The following RAB34 variants were observed in gnomAD, a reference collection of about 807,000 sequenced individuals.
RAB34 encodes the protein ras-related protein Rab-34.
RAB34 carries 33 observed loss-of-function variants against 39.0 expected under a neutral mutation model. That is an observed-to-expected ratio of 0.85 (90% confidence interval 0.64 to 1.13). The LOEUF (loss-of-function observed/expected upper bound fraction) is 1.13. Ranked by LOEUF, RAB34 falls within the 50% of genes most tolerant of loss-of-function variation. The pLI is 0.00. For missense variants in RAB34, 289 were observed against 326.1 expected (o/e 0.89, Z 0.88); for synonymous variants, 135 against 125.1 (o/e 1.08, Z -0.53).
Position 28,714,463 on chromosome 17 carries a change from G to T in RAB34, c.*180C>A. 1 of 1,388,384 alleles carries T rather than the reference G, an allele frequency of 7.2e-7. No individual in the cohort carries two copies. Among genetic ancestry groups the T allele is most frequent in the Non-Finnish European group, 1.0e-6 (1 of 984,952 alleles). 86.0% of individuals were successfully genotyped at this position (1,388,384 alleles called of 1,614,324 possible). On this transcript the variant is annotated 3_prime_UTR_variant, in exon 10 of 10. Transcript: ENST00000395245. ...GGGGGCATCCAGTCTTTGGCACGGTGCCTGGGGGCAGGAAGTGACTAGCAT... is the reference window on the plus strand; with the variant it reads ...GGGGGCATCCAGTCTTTGGCACGGTTCCTGGGGGCAGGAAGTGACTAGCAT...
Position 28,717,736 on chromosome 17 carries a change from G to A in RAB34, c.-470C>T. 7.5e-7 allele frequency: 1 copy of A among 1,325,042 alleles called. No individual in the cohort carries two copies. Among genetic ancestry groups the A allele is most frequent in the Non-Finnish European group, 9.6e-7 (1 of 1,042,820 alleles). 82.1% of individuals were successfully genotyped at this position (1,325,042 alleles called of 1,614,324 possible). On this transcript the variant is annotated 5_prime_UTR_variant, in exon 1 of 10. Coordinates refer to ENST00000395245, the MANE Select transcript of RAB34 (RefSeq NM_031934.6). ...CAGAGCGGCCCGGGGGCGCGGAGCG[G>A]CCCCGCCACACGGGGTCAGTGTGGG...
At position 28,714,617 on chromosome 17, in the gene RAB34, C is replaced by A. The variant is rs1453498910; in HGVS notation, c.*26G>T. On this transcript the variant is annotated 3_prime_UTR_variant, in exon 10 of 10. Transcript: ENST00000395245. ...GGTGGCACAGTGCCCTAGGGCTGGG[C>A]AGTCTCTGAACAGTCTCCTCAGCCC... 6.2e-7 allele frequency: 1 copy of A among 1,614,056 alleles called. No individual in the cohort carries two copies. The highest frequency in any genetic ancestry group is 1.1e-5 in the South Asian group (1 of 91,086).
upstream of RAB34, chr17:28,718,370 C>T (rs982927692): frequency 4.5e-5 from 42 of 936,688 alleles, no homozygotes; most frequent in African/African-American, 7.4e-4. Flanking sequence ...AGGTGCCCAC[C>T]GAGGAGAGAG....
rs1256103396 is a variant in RAB34, at chr17:28,714,785, G to A, written c.712+8C>T. Reference sequence around the variant, plus strand: ...CCCTCTGCCACCCTCAACCAGGCAAGCACTCACGGACAACATCCCCAATGC... The same window carrying A: ...CCCTCTGCCACCCTCAACCAGGCAAACACTCACGGACAACATCCCCAATGC... On this transcript the variant is annotated splice_region_variant and intron_variant, in intron 9 of 9. Transcript: ENST00000395245. 2 of 1,613,912 alleles carry A rather than the reference G, an allele frequency of 1.2e-6. No homozygotes were observed. Among genetic ancestry groups the A allele is most frequent in the Middle Eastern group, 1.6e-4 (1 of 6,084 alleles).
chr17:28,716,365 G>A, intron 2 of RAB34: 1 of 387,300 alleles, frequency 2.6e-6, no homozygotes, highest in Non-Finnish European at 4.7e-6. Flanking sequence ...ATATTTTACT[G>A]GGTCGTTGTG....
At chr17:28,718,305 C>T (rs769637514), upstream of RAB34, 11 of 1,514,156 alleles carry the variant, frequency 7.3e-6, no homozygotes, top group African/African-American at 8.6e-5. Context: ...CCTGGGAGGT[C>T]GGGGGTGAGG....
In RAB34 at chr17:28,714,859, T is replaced by A; in HGVS notation, c.646A>T (p.Thr216Ser). 1 of 1,614,054 alleles carries A rather than the reference T, an allele frequency of 6.2e-7. No individual in the cohort carries two copies. Among genetic ancestry groups the A allele is most frequent in the African/African-American group, 1.3e-5 (1 of 75,028 alleles). ...TCAGCCAGCACATTGGCCTCAAAGG[T>A]CAGTGCTGCCACACGGAAGAAGAAT... is the stretch of plus-strand genomic sequence containing the variant. ...REFFFRVAAL[T>S]FEANVLAELE... The change falls in exon 9 of 10, where the codon ACC (threonine) becomes TCC (serine). Residue 216 changes from threonine (T) to serine (S), a missense_variant. Transcript: ENST00000395245.
At chr17:28,716,551 A>C in intron 2 of RAB34, 1 of 263,774 alleles carries the variant, frequency 3.8e-6, no homozygotes. Context: ...TGTTATCAGT[A>C]TTACCTTTAA....
chr17:28,717,674 C>G lies in RAB34; in HGVS notation c.-408G>C. ...TACAATAACCCGGGGCCGCGGAGAC[C>G]CGACGTCATCTCGGGGCTGAGGCTG... On this transcript the variant is annotated 5_prime_UTR_variant, in exon 1 of 10. Transcript: ENST00000395245. The G allele has an allele frequency of 7.3e-7, 1 of 1,363,890 alleles. No individual in the cohort carries two copies. The highest frequency in any genetic ancestry group is 9.4e-7 in the Non-Finnish European group (1 of 1,063,834). 84.5% of individuals were successfully genotyped at this position (1,363,890 alleles called of 1,614,324 possible).
In RAB34 at chr17:28,717,308, G is replaced by A; in HGVS notation, c.-42C>T. 6.4e-7 allele frequency: 1 copy of A among 1,558,408 alleles called. No individual in the cohort carries two copies. Among genetic ancestry groups the A allele is most frequent in the South Asian group, 1.2e-5 (1 of 85,970 alleles). ...CAGGGCGCCCTGAGAAGGCGCCGAGGCCGGATCCGCGTCAGCGACCCGGGC... is the reference window on the plus strand; with the variant it reads ...CAGGGCGCCCTGAGAAGGCGCCGAGACCGGATCCGCGTCAGCGACCCGGGC... On this transcript the variant is annotated 5_prime_UTR_variant, in exon 1 of 10. Transcript: ENST00000395245.
upstream of RAB34, chr17:28,718,083 C>T: frequency 1.3e-6 from 2 of 1,583,618 alleles, no homozygotes; most frequent in Non-Finnish European, 1.7e-6. Context: ...CTCTCCCCTG[C>T]ACCTCTATAC....
intron 6 of RAB34, 36 bp downstream of exon 6, chr17:28,715,420 C>G (rs765974600): frequency 5.0e-6 from 8 of 1,612,392 alleles, no homozygotes; most frequent in Non-Finnish European, 6.8e-6. Flanking sequence ...CCTCTCTTCC[C>G]GGAGCCTCCC....
rs765796000 is a variant in RAB34 at position 28,717,332 on chromosome 17, G to C, written c.-66C>G. 1 of 1,541,622 alleles carries C rather than the reference G, an allele frequency of 6.5e-7. No homozygotes were observed. The highest frequency in any genetic ancestry group is 8.7e-7 in the Non-Finnish European group (1 of 1,147,944). On this transcript the variant is annotated 5_prime_UTR_variant, in exon 1 of 10. Transcript: ENST00000395245. ...GGCCGGATCCGCGTCAGCGACCCGG[G>C]CGCGTGGAGACCCGACGATCACCCG...
chr17:28,714,507 G>C lies in RAB34; in HGVS notation c.*136C>G. 1.9e-6 allele frequency: 3 copies of C among 1,592,316 alleles called. No individual in the cohort carries two copies. In the Admixed American group the frequency reaches 5.0e-5, roughly 27 times the overall value. ...CTAGCATGATCCCAGCTACCCCTCT[G>C]TGGGAATACTGCCACCAAGAGGCAG... On this transcript the variant is annotated 3_prime_UTR_variant, in exon 10 of 10. Coordinates refer to ENST00000395245, the MANE Select transcript of RAB34 (RefSeq NM_031934.6).
rs2033675000 is a variant in RAB34, at chr17:28,717,334, G to A, written c.-68C>T. The A allele has an allele frequency of 2.6e-6, 4 of 1,540,752 alleles. No individual in the cohort carries two copies. Among genetic ancestry groups the A allele is most frequent in the Non-Finnish European group, 2.6e-6 (3 of 1,147,664 alleles). On this transcript the variant is annotated 5_prime_UTR_variant, in exon 1 of 10. Transcript: ENST00000395245. ...CCGGATCCGCGTCAGCGACCCGGGC[G>A]CGTGGAGACCCGACGATCACCCGCG...
Position 28,714,383 on chromosome 17 carries a change from C to A in RAB34, c.*260G>T, listed in dbSNP as rs1341530046. On this transcript the variant is annotated 3_prime_UTR_variant, in exon 10 of 10. Transcript: ENST00000395245. ...GGGCCCAGCAGGCTGAGCAAAAGAACAGAGACACTCTCCCTCACTACCACT... is the reference window on the plus strand; with the variant it reads ...GGGCCCAGCAGGCTGAGCAAAAGAAAAGAGACACTCTCCCTCACTACCACT... The A allele has an allele frequency of 6.3e-6, 4 of 632,366 alleles. No homozygotes were observed. Among genetic ancestry groups the A allele is most frequent in the South Asian group, 3.8e-5 (2 of 52,968 alleles). The allele number at this position is 632,366 out of a possible 1,614,324, so 39.2% of individuals were successfully genotyped here.
chr17:28,714,460 G>C lies in RAB34; in HGVS notation c.*183C>G. Reference sequence around the variant, plus strand: ...GTAGGGGGCATCCAGTCTTTGGCACGGTGCCTGGGGGCAGGAAGTGACTAG... The same window carrying C: ...GTAGGGGGCATCCAGTCTTTGGCACCGTGCCTGGGGGCAGGAAGTGACTAG... On this transcript the variant is annotated 3_prime_UTR_variant, in exon 10 of 10. Coordinates refer to ENST00000395245, the MANE Select transcript of RAB34 (RefSeq NM_031934.6). The C allele has an allele frequency of 7.4e-7, 1 of 1,358,386 alleles. No homozygotes were observed. The highest frequency in any genetic ancestry group is 1.0e-6 in the Non-Finnish European group (1 of 959,594). The allele number at this position is 1,358,386 out of a possible 1,614,324, so 84.1% of individuals were successfully genotyped here. A position where few individuals can be genotyped will look rare whatever the true frequency, so the allele number is the denominator to read the frequency against.
chr17:28,717,949 G>GCCC, upstream of RAB34: 2 of 770,276 alleles, frequency 2.6e-6, no homozygotes, highest in Non-Finnish European at 3.1e-6. Context: ...GCCCGCCCTC[G>GCCC]CCACCCCCTC....
At chr17:28,717,132 C>T (rs1180104676) in intron 1 of RAB34, 81 bp downstream of exon 1, 28 of 1,538,670 alleles carry the variant, frequency 1.8e-5, no homozygotes, top group Non-Finnish European at 2.4e-5. Flanking sequence ...TGGGCCCAGT[C>T]CTCTAACTGG....
Sources: allele counts gnomAD v4.1 joint callset, GRCh38; gene constraint gnomAD v4.1.1; transcripts MANE v1.5; gene names NCBI Gene and HGNC (gene_info 2026-07-23, HGNC 2026-07-21).